ZNF606: variants seen among roughly 807,000 people sequenced by gnomAD.
ZNF606 encodes the protein zinc finger protein 606, also known as zinc finger protein 328.
Under a neutral mutation model 74.9 loss-of-function variants are expected in ZNF606, and 37 were observed. The observed-to-expected ratio is 0.49, with a 90% CI of 0.38 to 0.65. The LOEUF is 0.65. Ranked by LOEUF, ZNF606 falls within the 30% of genes least tolerant of loss-of-function variation. The pLI is 0.00. For synonymous variants in ZNF606, 328 were observed against 312.4 expected (o/e 1.05, Z -0.53); for missense variants, 852 against 952.9 (o/e 0.89, Z 1.39).
intron 1 of ZNF606, chr19:58,002,063 A>G (rs2073439976): frequency 2.4e-6 from 1 of 419,244 alleles, no homozygotes; most frequent in South Asian, 1.7e-5. Context: ...AAAGCACTAG[A>G]ACACACAGTG....
chr19:57,989,749 G>C lies in ZNF606; in HGVS notation c.178-1028C>G, dbSNP rs532820557. Reference sequence around the variant, plus strand: ...GGCATGAGCCACTGCACCCAGCTTCGAGTCCTTTTAAGAAATCAACTCGCC... The same window carrying C: ...GGCATGAGCCACTGCACCCAGCTTCCAGTCCTTTTAAGAAATCAACTCGCC... On this transcript the variant is annotated intron_variant, in intron 4 of 6. Coordinates refer to ENST00000551380, the MANE Select transcript of ZNF606 (RefSeq NM_001348022.3). Among the ~76,000 whole-genome samples the C allele has an allele frequency of 1.5e-3, 225 of 151,520 alleles. 1 individual carries two copies. The highest frequency in any genetic ancestry group is 2.7e-3 in the Admixed American group (41 of 15,216).
At chr19:57,985,847 T>C (rs545180255) in intron 6 of ZNF606, among the ~76,000 whole-genome samples, 1 of 151,332 alleles carries the variant, frequency 6.6e-6, no homozygotes, top group Admixed American at 6.6e-5. Context: ...GGCAGGACAA[T>C]CGCTTGAACC....
intron 4 of ZNF606, among the ~76,000 whole-genome samples, chr19:57,995,051 C>G (rs553984394): frequency 6.6e-6 from 1 of 151,748 alleles, no homozygotes; most frequent in South Asian, 2.1e-4. Flanking sequence ...ATTAGCTGGG[C>G]GTGGTGGCAT....
At chr19:57,982,513 T>A (rs1442846879) in intron 6 of ZNF606, among the ~76,000 whole-genome samples, 4 of 152,200 alleles carry the variant, frequency 2.6e-5, no homozygotes, top group African/African-American at 9.7e-5. Context: ...GAAGTCATTA[T>A]CCAGATTGCT....
Position 58,002,595 on chromosome 19 carries a change from G to A in ZNF606, c.-251C>T, listed in dbSNP as rs549103200. 8.4e-4 allele frequency: 374 copies of A among 443,702 alleles called. 2 individuals are homozygous for A. The highest frequency in any genetic ancestry group is 3.1e-3 in the South Asian group (199 of 63,396). 27.5% of individuals were successfully genotyped at this position (443,702 alleles called of 1,614,324 possible). A position where few individuals can be genotyped will look rare whatever the true frequency, so the allele number is the denominator to read the frequency against. On this transcript the variant is annotated 5_prime_UTR_variant, in exon 1 of 7. Coordinates refer to ENST00000551380, the MANE Select transcript of ZNF606 (RefSeq NM_001348022.3). The stretch of plus-strand genomic sequence containing the variant: ...CAGGCCCGTCCGACCAGAAAACGAA[G>A]AACGCCCGGAGGCGGGAGGCCGGAG...
At position 57,980,028 on chromosome 19, in the gene ZNF606, C is replaced by G. The variant is rs756505777; in HGVS notation, c.652G>C (p.Glu218Gln). Residue 218 changes from glutamate (E) to glutamine (Q), a missense_variant, in exon 7 of 7, where the codon GAG becomes CAG. Around this residue, in one of 3 missense-constraint regions of ZNF606, gnomAD observed 545 missense variants for 542.5 expected, o/e 1.00. Coordinates refer to ENST00000551380, the MANE Select transcript of ZNF606 (RefSeq NM_001348022.3). ...RSSEFCGLGA[E>Q]FSQNLNFVPS... ...ACAAAGTTTAAGTTCTGGCTAAACT[C>G]TGCCCCAAGTCCACAGAATTCAGAG... The G allele has an allele frequency of 1.9e-6, 3 of 1,613,606 alleles. No homozygotes were observed. Among genetic ancestry groups the G allele is most frequent in the African/African-American group, 2.7e-5 (2 of 75,050 alleles).
intron 4 of ZNF606, among the ~76,000 whole-genome samples, chr19:57,995,395 C>T (rs1415060796): frequency 6.6e-6 from 1 of 151,978 alleles, no homozygotes; most frequent in African/African-American, 2.4e-5. Context: ...CACAGAGGTG[C>T]ACTTCTCTAA....
chr19:58,002,885 G>GGCGCCGCCATGACAGGTTCCTGGGCC (rs1489744620), upstream of ZNF606: 5 of 432,508 alleles, frequency 1.2e-5, no homozygotes, highest in East Asian at 2.9e-4. Flanking sequence ...GTCGGGCAGC[G>GGCGCCGCCATGACAGGTTCCTGGGCC]GCGCCGCCAT....
intron 4 of ZNF606, among the ~76,000 whole-genome samples, chr19:57,997,105 G>A (rs1007268482): frequency 6.6e-6 from 1 of 152,168 alleles, no homozygotes; most frequent in Non-Finnish European, 1.5e-5. Context: ...AATAGATTGT[G>A]CACATCCTCA....
rs1490697574 is a variant in ZNF606, at chr19:57,980,193, T to C, written c.487A>G (p.Arg163Gly). ...AACCAAGGATCATCCCATATATATC[T>C]TTCCAACTTCATGCCATGGGATTGT... ...EEQSHGMKLERYIWDDPWFSR... is the reference protein window; with the variant it reads ...EEQSHGMKLEGYIWDDPWFSR... The change falls in exon 7 of 7, where the codon AGA (arginine) becomes GGA (glycine). Residue 163 changes from arginine (R) to glycine (G), a missense_variant. This residue lies in a region of ZNF606 where 545 missense variants were observed against 542.5 expected (regional missense o/e 1.00). Coordinates refer to ENST00000551380, the MANE Select transcript of ZNF606 (RefSeq NM_001348022.3). The C allele has an allele frequency of 1.2e-6, 2 of 1,614,176 alleles. No homozygotes were observed. The highest frequency in any genetic ancestry group is 1.7e-5 in the Admixed American group (1 of 60,032).
intron 4 of ZNF606, among the ~76,000 whole-genome samples, chr19:57,991,515 A>C (rs1237378105): frequency 6.6e-6 from 1 of 152,146 alleles, no homozygotes; most frequent in Non-Finnish European, 1.5e-5. Flanking sequence ...ATTTAAATGT[A>C]ACATGGAGTT....
chr19:58,002,687 G>A lies in ZNF606; in HGVS notation c.-343C>T, dbSNP rs1281763493. 4.4e-6 allele frequency: 2 copies of A among 454,548 alleles called. No individual in the cohort carries two copies. The highest frequency in any genetic ancestry group is 2.4e-5 in the Admixed American group (1 of 42,454). 28.2% of individuals were successfully genotyped at this position (454,548 alleles called of 1,614,324 possible). On this transcript the variant is annotated 5_prime_UTR_variant, in exon 1 of 7. Coordinates refer to ENST00000551380, the MANE Select transcript of ZNF606 (RefSeq NM_001348022.3). ...AGCCGGCGCGGAAAGGGCAGGCGCA[G>A]GACCCACCCTGACGCCGCCTCTCCC...
intron 1 of ZNF606, 82 bp from the exon 2 acceptor site, chr19:58,001,452 C>T (rs1040900936): frequency 9.1e-7 from 1 of 1,100,068 alleles, no homozygotes. Context: ...ATCCATCCAC[C>T]GAAGCAACAA....
intron 6 of ZNF606, among the ~76,000 whole-genome samples, chr19:57,981,431 T>A (rs1339100473): frequency 1.3e-5 from 2 of 151,992 alleles, no homozygotes; most frequent in Admixed American, 1.3e-4. Context: ...AAGGACCCAG[T>A]GAATGTTATT....
chr19:57,993,595 C>T (rs1302752411), intron 4 of ZNF606, among the ~76,000 whole-genome samples: 3 of 152,200 alleles, frequency 2.0e-5, no homozygotes, highest in South Asian at 2.1e-4. Context: ...AGTCTGCACT[C>T]GCACAGCTTT....
chr19:57,988,011 G>A (rs1467757946), intron 6 of ZNF606, among the ~76,000 whole-genome samples, 196 bp downstream of exon 6: 2 of 152,180 alleles, frequency 1.3e-5, no homozygotes, highest in Admixed American at 6.5e-5. Flanking sequence ...ATCAAGAGCC[G>A]ACAGCGAGGG....
chr19:57,992,283 C>T (rs1431900126), intron 4 of ZNF606, among the ~76,000 whole-genome samples: 1 of 152,184 alleles, frequency 6.6e-6, no homozygotes, highest in Non-Finnish European at 1.5e-5. Context: ...CACCCACTAA[C>T]CCATCATACC....
At chr19:57,984,383 G>A (rs1189425147) in intron 6 of ZNF606, among the ~76,000 whole-genome samples, 4 of 152,192 alleles carry the variant, frequency 2.6e-5, no homozygotes, top group Non-Finnish European at 5.9e-5. Context: ...CAGCACTGAA[G>A]GTAGAAGAAT....
chr19:57,992,090 CATT>C (rs984856894), intron 4 of ZNF606, among the ~76,000 whole-genome samples: 4 of 152,146 alleles, frequency 2.6e-5, no homozygotes, highest in African/African-American at 9.7e-5. Context: ...CCAATGGAAT[CATT>C]ATATGTTCAA....
Sources: gnomAD v4.1 joint callset for allele counts (sites outside exome capture counted in the v4.1 genomes callset) on GRCh38, gnomAD v4.1.1 for gene constraint, gnomAD v4.1.1 regional missense constraint, MANE v1.5 for transcripts, NCBI Gene and HGNC (gene_info 2026-07-23, HGNC 2026-07-21) for gene names.